Variants in RPGRIP1L observed in about 807,000 individuals in gnomAD.
The protein encoded by RPGRIP1L is RPGRIP1 like.
RPGRIP1L carries 131 observed loss-of-function variants against 160.4 expected under a neutral mutation model. The observed-to-expected ratio is 0.82, with a 90% CI of 0.71 to 0.94. The LOEUF (loss-of-function observed/expected upper bound fraction) is 0.94. RPGRIP1L is among the 40% of genes least tolerant of loss of function. The pLI, the probability that RPGRIP1L is intolerant of heterozygous loss-of-function variation, is 0.00. For synonymous variants in RPGRIP1L, 510 were observed against 515.8 expected, an observed-to-expected ratio of 0.99 and a Z score of 0.15; for missense variants, 1,522 against 1,535.8, an observed-to-expected ratio of 0.99 and a Z score of 0.15.
chr16:53,662,911 T>C (rs965534348), intron 10 of RPGRIP1L, among the ~76,000 whole-genome samples: 5 of 152,016 alleles, frequency 3.3e-5, no homozygotes, highest in African/African-American at 1.2e-4. Flanking sequence ...AAATATTCAA[T>C]AGAAGATTGT....
At chr16:53,676,964 A>G (rs1185203305) in intron 6 of RPGRIP1L, among the ~76,000 whole-genome samples, 2 of 152,132 alleles carry the variant, frequency 1.3e-5, no homozygotes, top group Non-Finnish European at 2.9e-5. Flanking sequence ...GAAAATTAAG[A>G]TATATTTGAA....
At chr16:53,604,947 G>A (rs1173646412) in intron 26 of RPGRIP1L, among the ~76,000 whole-genome samples, 1 of 152,152 alleles carries the variant, frequency 6.6e-6, no homozygotes, top group Non-Finnish European at 1.5e-5. Context: ...GGAGGCCTAG[G>A]TGGGCAGATC....
At chr16:53,670,764 A>T (rs1038000685) in intron 9 of RPGRIP1L, among the ~76,000 whole-genome samples, 3 of 152,126 alleles carry the variant, frequency 2.0e-5, no homozygotes, top group African/African-American at 7.2e-5. Context: ...AAAGAGACCA[A>T]AAGAGGTTCA....
In RPGRIP1L at chr16:53,601,995, G is replaced by A. The variant is rs1963398360; in HGVS notation, c.*81C>T. 2.4e-6 allele frequency: 2 copies of A among 821,528 alleles called. No homozygotes were observed. Among genetic ancestry groups the A allele is most frequent in the Non-Finnish European group, 4.2e-6 (2 of 477,780 alleles). 50.9% of individuals were successfully genotyped at this position (821,528 alleles called of 1,614,324 possible). On this transcript the variant is annotated 3_prime_UTR_variant, in exon 27 of 27. Coordinates refer to ENST00000647211, the MANE Select transcript of RPGRIP1L (RefSeq NM_015272.5). ...CATGAATTATAGATTATATACACCA[G>A]AGTAATTACAAAAATCTCATGTAGG...
chr16:53,699,560 T>C (rs1174681656), intron 2 of RPGRIP1L, among the ~76,000 whole-genome samples: 4 of 152,164 alleles, frequency 2.6e-5, no homozygotes, highest in African/African-American at 9.7e-5. Context: ...ATAAATCACT[T>C]TGCACACTTA....
At chr16:53,691,876 A>T (rs1313355845) in intron 4 of RPGRIP1L, among the ~76,000 whole-genome samples, 190 bp downstream of exon 4, 1 of 152,218 alleles carries the variant, frequency 6.6e-6, no homozygotes, top group Non-Finnish European at 1.5e-5. Flanking sequence ...TACTAAACAA[A>T]TTTGAGACTG....
intron 6 of RPGRIP1L, among the ~76,000 whole-genome samples, chr16:53,680,771 T>C (rs1209370434): frequency 6.6e-6 from 1 of 150,702 alleles, no homozygotes; most frequent in Non-Finnish European, 1.5e-5. Context: ...ATGCACCTAA[T>C]GGGAGTAAGG....
Position 53,652,741 on chromosome 16 carries a change from C to T in RPGRIP1L, c.1946G>A (p.Arg649Gln), listed in dbSNP as rs560144848. The change falls in exon 15 of 27, where the codon CGA becomes CAA. Residue 649 changes from arginine to glutamine, a missense_variant. Arg to Gln is a conservative substitution (Grantham distance 43). Transcript: ENST00000647211. ...GAAGTTATATTCGGGATGAAGGCCT[C>T]GCACTACGGGAGTTGTCTGTAGTTC... is the stretch of plus-strand genomic sequence containing the variant. ...DFELQTTPVV[R>Q]GLHPEYNFTS... The T allele has an allele frequency of 2.9e-5, 46 of 1,614,026 alleles. No homozygotes were observed. The African/African-American group carries it at 3.2e-4, about 11-fold the overall frequency.
At chr16:53,622,048 A>AAAAG (rs1964757685) in intron 23 of RPGRIP1L, among the ~76,000 whole-genome samples, 171 bp downstream of exon 23, 1 of 140,386 alleles carries the variant, frequency 7.1e-6, no homozygotes, top group Non-Finnish European at 1.5e-5. Flanking sequence ...AAAAAAAAAA[A>AAAAG]GTTCAACTAG....
At chr16:53,611,704 C>A (rs1312231828) in intron 24 of RPGRIP1L, among the ~76,000 whole-genome samples, 2 of 152,210 alleles carry the variant, frequency 1.3e-5, no homozygotes, top group Non-Finnish European at 1.5e-5. Flanking sequence ...CAAGTCTCAA[C>A]AGAAAGAAGA....
At chr16:53,660,548 T>TA (rs1967686714) in intron 10 of RPGRIP1L, among the ~76,000 whole-genome samples, 1 of 147,554 alleles carries the variant, frequency 6.8e-6, no homozygotes, top group African/African-American at 2.5e-5. Flanking sequence ...GTCTAAAAAG[T>TA]AAAAAAATAA....
intron 23 of RPGRIP1L, among the ~76,000 whole-genome samples, chr16:53,619,665 A>T (rs1307970789): frequency 6.6e-6 from 1 of 152,234 alleles, no homozygotes; most frequent in Non-Finnish European, 1.5e-5. Flanking sequence ...GTATTATGCT[A>T]ATATATGTAG....
At chr16:53,691,980 T>C in intron 4 of RPGRIP1L, 86 bp downstream of exon 4, 1 of 1,261,826 alleles carries the variant, frequency 7.9e-7, no homozygotes, top group Non-Finnish European at 1.2e-6. Context: ...AAAGCATGCG[T>C]AATACAGAAG....
At chr16:53,676,736 G>A (rs1265062102) in intron 6 of RPGRIP1L, among the ~76,000 whole-genome samples, 2 of 151,966 alleles carry the variant, frequency 1.3e-5, no homozygotes, top group African/African-American at 4.8e-5. Context: ...GGTTTCAAGC[G>A]ATTCTCCTGC....
chr16:53,685,206 C>A (rs1969915641), intron 6 of RPGRIP1L, among the ~76,000 whole-genome samples: 1 of 152,030 alleles, frequency 6.6e-6, no homozygotes, highest in Admixed American at 6.5e-5. Context: ...CAAAAAACAA[C>A]AGATGTTGGT....
At chr16:53,629,175 G>A (rs1003088943) in intron 22 of RPGRIP1L, among the ~76,000 whole-genome samples, 1 of 152,070 alleles carries the variant, frequency 6.6e-6, no homozygotes, top group South Asian at 2.1e-4. Context: ...CTGCACATTA[G>A]AATCACCAGG....
At chr16:53,671,131 A>C (rs897413537) in intron 9 of RPGRIP1L, among the ~76,000 whole-genome samples, 6 of 152,002 alleles carry the variant, frequency 3.9e-5, no homozygotes, top group Admixed American at 2.0e-4. Flanking sequence ...ATGTTACTTA[A>C]TTTTGCTTCA....
intron 22 of RPGRIP1L, among the ~76,000 whole-genome samples, chr16:53,632,021 C>T (rs969765662): frequency 1.3e-4 from 20 of 152,118 alleles, no homozygotes; most frequent in African/African-American, 4.8e-4. Flanking sequence ...CAAAGTGAAG[C>T]TCATAAATGT....
In RPGRIP1L at chr16:53,622,222, G is replaced by C. The variant is rs1964774912; in HGVS notation, c.3429C>G (p.Thr1143=). The change falls in exon 23 of 27, where the codon ACC becomes ACG. Residue 1143 remains threonine, a synonymous_variant. Coordinates refer to ENST00000647211, the MANE Select transcript of RPGRIP1L (RefSeq NM_015272.5). The part of the protein sequence containing the change: ...VDGITGACHH[T]QPSEKIRIEI... The stretch of plus-strand genomic sequence containing the variant: ...TGCTAAAATTACAAAAAATTACCTG[G>C]GTGTGGTGGCAGGCACCTGTAATCC... 1 of 663,452 alleles carries C rather than the reference G, an allele frequency of 1.5e-6. No individual in the cohort carries two copies. The highest frequency in any genetic ancestry group is 1.8e-5 in the African/African-American group (1 of 54,960). 41.1% of individuals were successfully genotyped at this position (663,452 alleles called of 1,614,324 possible). A position where few individuals can be genotyped will look rare whatever the true frequency, so the allele number is the denominator to read the frequency against.
Sources: gnomAD v4.1 joint callset for allele counts (sites outside exome capture counted in the v4.1 genomes callset) on GRCh38, gnomAD v4.1.1 for gene constraint, MANE v1.5 for transcripts, NCBI Gene and HGNC (gene_info 2026-07-23, HGNC 2026-07-21) for gene names.